The following CNTNAP3 variants were observed in gnomAD, a reference collection of about 807,000 sequenced individuals.
The protein encoded by CNTNAP3 is contactin associated protein family member 3, also known as contactin-associated protein-like 3.
A neutral mutation model predicts 92.1 loss-of-function variants in CNTNAP3; 36 were observed. The observed-to-expected ratio is 0.39, with a 90% CI of 0.30 to 0.52. The LOEUF (loss-of-function observed/expected upper bound fraction) is 0.52. Ranked by LOEUF, CNTNAP3 falls within the 20% of genes least tolerant of loss-of-function variation. CNTNAP3 has a pLI of 0.76. For synonymous variants in CNTNAP3, 232 were observed against 422.3 expected, an observed-to-expected ratio of 0.55 and a Z score of 5.53; for missense variants, 534 against 1,069.6, an observed-to-expected ratio of 0.50 and a Z score of 6.98.
At chr9:39,126,569 A>C (rs1194792283) in intron 13 of CNTNAP3, among the ~76,000 whole-genome samples, 1 of 152,176 alleles carries the variant, frequency 6.6e-6, no homozygotes, top group Non-Finnish European at 1.5e-5. Flanking sequence ...ATTGAACCAA[A>C]CAATTTTTAA....
chr9:39,133,677 C>G (rs1344709864), intron 12 of CNTNAP3, among the ~76,000 whole-genome samples: 2 of 152,088 alleles, frequency 1.3e-5, no homozygotes, highest in African/African-American at 4.8e-5. Context: ...GAGCTTCTAA[C>G]AGCACTTTCC....
At chr9:39,148,954 C>T (rs905592158) in intron 10 of CNTNAP3, among the ~76,000 whole-genome samples, 1 of 152,132 alleles carries the variant, frequency 6.6e-6, no homozygotes, top group African/African-American at 2.4e-5. Context: ...TTCTTCTCAG[C>T]CAAAATCTTT....
At chr9:39,093,533 CCCT>C (rs770591632) in intron 18 of CNTNAP3, among the ~76,000 whole-genome samples, 287 of 151,000 alleles carry the variant, frequency 1.9e-3, no homozygotes, top group Non-Finnish European at 3.6e-3. Flanking sequence ...CTCCATTGCC[CCCT>C]CATCTCAGCT....
rs1821552458 is a variant in CNTNAP3 at position 39,140,616 on chromosome 9, T to C, written c.1779A>G (p.Glu593=). The stretch of plus-strand genomic sequence containing the variant: ...ACGGGTTCCCTCGGTGCTTGTGGGC[T>C]TCACAAGACTGCTCGTAGAGAGCTG... ...CHSSLYEQSC[E]AHKHRGNPSG... The change falls in exon 12 of 24, where the codon GAA becomes GAG. Residue 593 remains glutamate (E), a synonymous_variant. Transcript: ENST00000297668. The C allele has an allele frequency of 1.2e-6, 2 of 1,612,052 alleles. No individual in the cohort carries two copies. The highest frequency in any genetic ancestry group is 1.7e-6 in the Non-Finnish European group (2 of 1,179,310).
Position 39,072,646 on chromosome 9 carries a change from CTAACT to C in CNTNAP3, c.*1239_*1243del, listed in dbSNP as rs1449733969. On this transcript the variant is annotated 3_prime_UTR_variant, in exon 24 of 24. Coordinates refer to ENST00000297668, the MANE Select transcript of CNTNAP3 (RefSeq NM_033655.5). ...AGATTTAATAAACATCATGTAAATG[CTAACT>C]TAACTTGGAGTGAACAGTCTTCAGT... is the stretch of plus-strand genomic sequence containing the variant. The C allele has an allele frequency of 6.6e-6, 1 of 152,070 alleles. No homozygotes were observed. Among genetic ancestry groups the C allele is most frequent in the East Asian group, 1.9e-4 (1 of 5,174 alleles). 9.4% of individuals were successfully genotyped at this position (152,070 alleles called of 1,614,324 possible). A position where few individuals can be genotyped will look rare whatever the true frequency, so the allele number is the denominator to read the frequency against.
chr9:39,100,147 C>A lies in CNTNAP3; in HGVS notation c.2759G>T (p.Gly920Val), dbSNP rs779101437. Residue 920 changes from glycine (G) to valine (V), a missense_variant, in exon 18 of 24, where the codon GGA becomes GTA. By Grantham distance (109) the Gly-to-Val change is moderately radical. Coordinates refer to ENST00000297668, the MANE Select transcript of CNTNAP3 (RefSeq NM_033655.5). ...LQLNSQLFIG[G>V]TATRQRGFLG... ...AAAGCCTCTCTGTCTGGTGGCCGTT[C>A]CACCTACAACGGAAACACTGCAAAT... 1 of 1,578,200 alleles carries A rather than the reference C, an allele frequency of 6.3e-7. No homozygotes were observed. Among genetic ancestry groups the A allele is most frequent in the Non-Finnish European group, 8.6e-7 (1 of 1,159,094 alleles).
In CNTNAP3 at chr9:39,121,681, G is replaced by T. The variant is rs542701178; in HGVS notation, c.2081-3422C>A. ...TACAGAGATTGAAAACTCCTAGAGTGGGGGATAGGCCTTAGAGGGTCAACA... is the reference window on the plus strand; with the variant it reads ...TACAGAGATTGAAAACTCCTAGAGTTGGGGATAGGCCTTAGAGGGTCAACA... On this transcript the variant is annotated intron_variant, in intron 13 of 23. Transcript: ENST00000297668. Among the ~76,000 whole-genome samples the T allele has an allele frequency of 3.9e-5, 6 of 152,220 alleles. No individual in the cohort carries two copies. In the East Asian group the frequency reaches 7.7e-4, roughly 20 times the overall value.
rs1330895177 is a variant in CNTNAP3 at position 39,070,428 on chromosome 9, C to T, written c.*3462G>A. On this transcript the variant is annotated 3_prime_UTR_variant, in exon 24 of 24. Coordinates refer to ENST00000297668, the MANE Select transcript of CNTNAP3 (RefSeq NM_033655.5). ...GCCAGGCATAGAAAGACAAACATTG[C>T]CATGTTCTCATTTATTTGTGGGATC... Among the ~76,000 whole-genome samples, 154 of 142,502 alleles carry T rather than the reference C, an allele frequency of 1.1e-3. No individual in the cohort carries two copies. The highest frequency in any genetic ancestry group is 3.9e-3 in the African/African-American group (145 of 37,072). 93.5% of individuals were successfully genotyped at this position (142,502 alleles called of 152,430 possible). A position where few individuals can be genotyped will look rare whatever the true frequency, so the allele number is the denominator to read the frequency against.
At chr9:39,120,385 C>T (rs543158506) in intron 13 of CNTNAP3, among the ~76,000 whole-genome samples, 352 of 151,948 alleles carry the variant, frequency 2.3e-3, no homozygotes, top group African/African-American at 7.7e-3. Flanking sequence ...GGAAATAAAA[C>T]CTTTTTAGGC....
At chr9:39,079,101 C>G (rs781127946) in intron 21 of CNTNAP3, among the ~76,000 whole-genome samples, 181 bp from the exon 22 acceptor site, 1 of 152,102 alleles carries the variant, frequency 6.6e-6, no homozygotes, top group African/African-American at 2.4e-5. Flanking sequence ...GCAACTATTT[C>G]CATTGTCAGG....
Position 39,152,652 on chromosome 9 carries a change from CTTAGG to C in CNTNAP3, c.1478-2680_1478-2676del, listed in dbSNP as rs774992458. Among the ~76,000 whole-genome samples, 13 of 141,504 alleles carry C rather than the reference CTTAGG, an allele frequency of 9.2e-5. 1 individual carries two copies. Among genetic ancestry groups the C allele is most frequent in the Non-Finnish European group, 1.8e-4 (12 of 65,642 alleles). The allele number at this position is 141,504 out of a possible 152,430, so 92.8% of individuals were successfully genotyped here. ...CCATGTGGTGTTTCCTGACACATAA[CTTAGG>C]TTATCTTTTTTTTTTGAGACCTGAG... On this transcript the variant is annotated intron_variant, in intron 9 of 23. Transcript: ENST00000297668.
rs1392829240 is a variant in CNTNAP3, at chr9:39,174,833, GTTATT to G, written c.1071+1111_1071+1115del. Among the ~76,000 whole-genome samples the G allele has an allele frequency of 5.7e-5, 7 of 122,824 alleles. No individual in the cohort carries two copies. In the East Asian group the frequency reaches 1.1e-3, roughly 20 times the overall value. The allele number at this position is 122,824 out of a possible 152,430, so 80.6% of individuals were successfully genotyped here. ...TCTGATTTCCATGTAAAAATAGAAA[GTTATT>G]TTATTTCATATAAAAATGAAACAAC... is the stretch of plus-strand genomic sequence containing the variant. On this transcript the variant is annotated intron_variant, in intron 7 of 23. Transcript: ENST00000297668.
In CNTNAP3 at chr9:39,073,222, AG is replaced by A; in HGVS notation, c.*667del. ...TCATTAAAAACAGTCAATTAGAAAA[AG>A]CAATACACCAAAAATAATGGTAGTG... On this transcript the variant is annotated 3_prime_UTR_variant, in exon 24 of 24. Coordinates refer to ENST00000297668, the MANE Select transcript of CNTNAP3 (RefSeq NM_033655.5). 1 of 158,898 alleles carries A rather than the reference AG, an allele frequency of 6.3e-6. No individual in the cohort carries two copies. Among genetic ancestry groups the A allele is most frequent in the Non-Finnish European group, 1.4e-5 (1 of 71,242 alleles). The allele number at this position is 158,898 out of a possible 1,614,324, so 9.8% of individuals were successfully genotyped here.
intron 14 of CNTNAP3, among the ~76,000 whole-genome samples, chr9:39,113,962 C>CTA (rs1820780806): frequency 6.6e-6 from 1 of 151,214 alleles, no homozygotes. Context: ...AATTCTCTCT[C>CTA]TCTCTATATA....
At chr9:39,106,044 C>A (rs1196624876) in intron 15 of CNTNAP3, among the ~76,000 whole-genome samples, 2 of 152,204 alleles carry the variant, frequency 1.3e-5, no homozygotes, top group Non-Finnish European at 2.9e-5. Context: ...CTCCTACTCT[C>A]CTCACTGTAT....
intron 13 of CNTNAP3, among the ~76,000 whole-genome samples, chr9:39,128,791 A>G (rs1205610105): frequency 6.6e-6 from 1 of 150,960 alleles, no homozygotes; most frequent in Non-Finnish European, 1.5e-5. Flanking sequence ...CAAGGAAACT[A>G]AAAAAAAATT....
chr9:39,102,770 T>C (rs1449067799), intron 16 of CNTNAP3, 55 bp from the exon 17 acceptor site: 2 of 662,572 alleles, frequency 3.0e-6, no homozygotes, highest in Non-Finnish European at 5.3e-6. Flanking sequence ...AATTGAGTCT[T>C]GTGCAGACAC....
At chr9:39,129,491 T>C (rs1430082039) in intron 13 of CNTNAP3, among the ~76,000 whole-genome samples, 1 of 152,050 alleles carries the variant, frequency 6.6e-6, no homozygotes, top group Non-Finnish European at 1.5e-5. Flanking sequence ...AAATAGGGCA[T>C]GGAATTAAAA....
intron 13 of CNTNAP3, among the ~76,000 whole-genome samples, chr9:39,119,162 A>T (rs1030606874): frequency 1.3e-5 from 2 of 152,168 alleles, no homozygotes; most frequent in Admixed American, 1.3e-4. Flanking sequence ...GATTAACTCA[A>T]CCAGTTTTTT....
Sources: gnomAD v4.1 joint callset for allele counts (sites outside exome capture counted in the v4.1 genomes callset) on GRCh38, gnomAD v4.1.1 for gene constraint, MANE v1.5 for transcripts, NCBI Gene and HGNC (gene_info 2026-07-23, HGNC 2026-07-21) for gene names.